CNGB1: variants seen among roughly 807,000 people sequenced by gnomAD.
CNGB1 encodes the protein cyclic nucleotide gated channel subunit beta 1.
In CNGB1, 126 loss-of-function variants were observed where a neutral mutation model predicts 151.7. The ratio of observed to expected loss-of-function variants is 0.83; its 90% CI spans 0.72 to 0.96. The LOEUF (loss-of-function observed/expected upper bound fraction) is 0.96. Among genes scored for constraint, CNGB1 ranks in the 40% least tolerant of loss-of-function variants. The pLI, the probability that CNGB1 is intolerant of heterozygous loss-of-function variation, is 0.00. For missense variants in CNGB1, 1,698 were observed against 1,627.0 expected (o/e 1.04, Z -0.75); for synonymous variants, 623 against 635.1 (o/e 0.98, Z 0.29).
In CNGB1 at chr16:57,964,564, T is replaced by C; in HGVS notation, c.160-20A>G. 1 of 1,613,934 alleles carries C rather than the reference T, an allele frequency of 6.2e-7. No homozygotes were observed. The highest frequency in any genetic ancestry group is 8.5e-7 in the Non-Finnish European group (1 of 1,179,910). On this transcript the variant is annotated intron_variant, in intron 2 of 32. Transcript: ENST00000251102. ...GGGGGGCTAGAGGGTTCGAACAGGATCATGTAAGTCCTAGGTGAGACCAGC... is the reference window on the plus strand; with the variant it reads ...GGGGGGCTAGAGGGTTCGAACAGGACCATGTAAGTCCTAGGTGAGACCAGC...
intron 20 of CNGB1, 132 bp from the exon 21 acceptor site, chr16:57,917,608 GTGTGTGTGTGTGTA>G: frequency 2.0e-6 from 1 of 491,844 alleles, no homozygotes; most frequent in Admixed American, 3.0e-5. Context: ...GTGTGTGTAT[GTGTGTGTGTGTGTA>G]TATATACACA....
At chr16:57,954,967 T>G in intron 12 of CNGB1, 1 of 1,102,618 alleles carries the variant, frequency 9.1e-7, no homozygotes, top group African/African-American at 1.6e-5. Context: ...CACGGTGGTC[T>G]CGAACTTCGG....
chr16:57,941,697 C>T (rs1458824663), intron 14 of CNGB1, among the ~76,000 whole-genome samples: 1 of 152,154 alleles, frequency 6.6e-6, no homozygotes, highest in Non-Finnish European at 1.5e-5. Context: ...AAGAAATGGA[C>T]CGCAATACAA....
Position 57,911,957 on chromosome 16 carries a change from A to C in CNGB1, c.2370-82T>G. 4.4e-6 allele frequency: 7 copies of C among 1,582,552 alleles called. No individual in the cohort carries two copies. The South Asian group carries it at 6.7e-5, about 15-fold the overall frequency. Reference sequence around the variant, plus strand: ...ACACCTGGACAGTGAGAGCCAACCCATGGCTGGGCTGGCCCGACTGGATGC... The same window carrying C: ...ACACCTGGACAGTGAGAGCCAACCCCTGGCTGGGCTGGCCCGACTGGATGC... On this transcript the variant is annotated intron_variant, in intron 24 of 32. Coordinates refer to ENST00000251102, the MANE Select transcript of CNGB1 (RefSeq NM_001297.5).
intron 8 of CNGB1, 77 bp from the exon 9 acceptor site, chr16:57,960,607 G>A (rs1204217821): frequency 6.3e-7 from 1 of 1,576,506 alleles, no homozygotes; most frequent in Admixed American, 1.8e-5. Context: ...TACCAGCTGT[G>A]TCCTGGCCCA....
Position 57,887,827 on chromosome 16 carries a change from G to A in CNGB1, c.3462+28C>T, listed in dbSNP as rs564430138. 37 of 1,606,240 alleles carry A rather than the reference G, an allele frequency of 2.3e-5. No individual in the cohort carries two copies. The South Asian group carries it at 2.7e-4, about 12-fold the overall frequency. ...CTCCCTGACACATATTGAAATGAAC[G>A]TGGTGGCTGGGTTCCCAACCACATT... is the stretch of plus-strand genomic sequence containing the variant. On this transcript the variant is annotated intron_variant, in intron 32 of 32. Transcript: ENST00000251102.
chr16:57,905,337 C>T (rs186941641), intron 25 of CNGB1, among the ~76,000 whole-genome samples: 169 of 151,264 alleles, frequency 1.1e-3, no homozygotes, highest in Non-Finnish European at 2.0e-3. Context: ...CTGACCCGCC[C>T]CTACCCGGCC....
chr16:57,928,520 C>G (rs1461883884), intron 17 of CNGB1, among the ~76,000 whole-genome samples: 2 of 152,194 alleles, frequency 1.3e-5, no homozygotes, highest in Non-Finnish European at 2.9e-5. Context: ...CCATTCAAGA[C>G]CATGGGCCTA....
chr16:57,959,935 G>T lies in CNGB1; in HGVS notation c.714C>A (p.Gly238=). ...GCAGGGAGGAGGTCTGGGCCTGGGA[G>T]CCGGGCTGGGGCTCTGGAGCTGGTG... The part of the protein sequence containing the change: ...KEAPAPEPQP[G]SQAQTSSLPP... The change falls in exon 10 of 33, where the codon GGC becomes GGA. Residue 238 remains glycine (G), a synonymous_variant. Coordinates refer to ENST00000251102, the MANE Select transcript of CNGB1 (RefSeq NM_001297.5). 6.3e-7 allele frequency: 1 copy of T among 1,581,976 alleles called. No homozygotes were observed.
At chr16:57,932,026 C>A in intron 16 of CNGB1, 148 bp from the exon 17 acceptor site, 1 of 882,010 alleles carries the variant, frequency 1.1e-6, no homozygotes, top group African/African-American at 1.6e-5. Context: ...CAGAAAAGCT[C>A]CATGCAGGGG....
intron 2 of CNGB1, 134 bp downstream of exon 2, chr16:57,966,994 A>G: frequency 8.2e-7 from 1 of 1,217,366 alleles, no homozygotes; most frequent in Non-Finnish European, 1.2e-6. Flanking sequence ...CAAGTGTGGG[A>G]CCCTGTGACC....
rs1960915624 is a variant in CNGB1, at chr16:57,917,714, C to A, written c.1958-238G>T. ...CAGTGGCTCATGTCTGTAATCCCAG[C>A]ACTTTGGGAGGCCTAGGTGGGAGGA... On this transcript the variant is annotated intron_variant, in intron 20 of 32. Transcript: ENST00000251102. Among the ~76,000 whole-genome samples, 3 of 151,782 alleles carry A rather than the reference C, an allele frequency of 2.0e-5. No individual in the cohort carries two copies. The South Asian group carries it at 6.2e-4, about 32-fold the overall frequency.
At chr16:57,890,537 C>A (rs1018605779) in intron 31 of CNGB1, among the ~76,000 whole-genome samples, 4 of 152,216 alleles carry the variant, frequency 2.6e-5, no homozygotes, top group African/African-American at 9.6e-5. Context: ...GCTTCTGGGG[C>A]ATTTCCAGAT....
chr16:57,923,546 G>A (rs781767095), intron 17 of CNGB1, among the ~76,000 whole-genome samples, 166 bp from the exon 18 acceptor site: 1 of 152,058 alleles, frequency 6.6e-6, no homozygotes, highest in Non-Finnish European at 1.5e-5. Flanking sequence ...GAGGGAAAAC[G>A]GCAGAAGAGA....
At chr16:57,921,403 G>T (rs531349867) in intron 18 of CNGB1, among the ~76,000 whole-genome samples, 1 of 152,048 alleles carries the variant, frequency 6.6e-6, no homozygotes, top group Non-Finnish European at 1.5e-5. Flanking sequence ...TGTAGTTTTA[G>T]TAGAGAGGGG....
Position 57,915,258 on chromosome 16 carries a change from G to C in CNGB1, c.2295C>G (p.Arg765=), listed in dbSNP as rs1567375306. 1 of 1,613,692 alleles carries C rather than the reference G, an allele frequency of 6.2e-7. No homozygotes were observed. Among genetic ancestry groups the C allele is most frequent in the East Asian group, 2.2e-5 (1 of 44,884 alleles). Residue 765 remains arginine (R), a synonymous_variant, in exon 23 of 33, where the codon CGC becomes CGG. Transcript: ENST00000251102. ...VGVNPLLRLP[R]CLKYMAFFEF... ...GGCCCAGCAGTCCTACCTTTAAACA[G>C]CGGGGCAGGCGGAGGAGGGGGTTCA...
Position 57,901,351 on chromosome 16 carries a change from CCTT to C in CNGB1, c.2974_2976del (p.Lys992del). 6.2e-7 allele frequency: 1 copy of C among 1,614,066 alleles called. No homozygotes were observed. The highest frequency in any genetic ancestry group is 8.5e-7 in the Non-Finnish European group (1 of 1,179,996). ...CCGTGGTGGCTGCCAGGCCAGCTCA[CCTT>C]CTTGCACACATAGTCGTTGGGCAGG... On this transcript the variant is annotated inframe_deletion and splice_region_variant, in exon 29 of 33. Transcript: ENST00000251102.
chr16:57,919,658 G>A (rs1014749792), intron 19 of CNGB1, among the ~76,000 whole-genome samples: 34 of 152,250 alleles, frequency 2.2e-4, no homozygotes, highest in African/African-American at 6.5e-4. Flanking sequence ...ATGCTGAAGG[G>A]CCTAACAAAA....
intron 31 of CNGB1, 26 bp from the exon 32 acceptor site, chr16:57,888,100 A>G: frequency 1.2e-6 from 2 of 1,605,886 alleles, no homozygotes; most frequent in Non-Finnish European, 1.7e-6. Context: ...ATCCATTGAC[A>G]TCACAGACGC....
Sources: allele counts gnomAD v4.1 joint callset (sites outside exome capture counted in the v4.1 genomes callset), GRCh38; gene constraint gnomAD v4.1.1; transcripts MANE v1.5; gene names NCBI Gene and HGNC (gene_info 2026-07-23, HGNC 2026-07-21).